The following SAMD5 variants were observed in gnomAD, a reference collection of about 807,000 sequenced individuals.
SAMD5 encodes sterile alpha motif domain containing 5, also known as sterile alpha motif domain-containing protein 5.
Under a neutral mutation model 11.3 loss-of-function variants are expected in SAMD5, and 13 were observed. The observed-to-expected ratio is 1.15, with a 90% CI of 0.75 to 1.83. The LOEUF is 1.83. Among genes scored for constraint, SAMD5 ranks in the 40% most tolerant of loss-of-function variants. SAMD5 has a pLI of 0.00. For synonymous variants in SAMD5, 129 were observed against 111.3 expected (o/e 1.16, Z -1.00); for missense variants, 255 against 239.1 (o/e 1.07, Z -0.44).
At chr6:147,717,454 G>A (rs941127677) in intron 1 of SAMD5, among the ~76,000 whole-genome samples, 8 of 152,072 alleles carry the variant, frequency 5.3e-5, no homozygotes, top group Admixed American at 2.6e-4. Context: ...AGGAATGGAC[G>A]GACTCTGCCC....
the SAMD5 span, among the ~76,000 whole-genome samples, chr6:147,881,021 G>C: frequency 1.3e-5 from 2 of 152,080 alleles, no homozygotes; most frequent in Non-Finnish European, 2.9e-5. Context: ...TGAGCAGTTT[G>C]ACACAGGTTT....
intron 1 of SAMD5, among the ~76,000 whole-genome samples, chr6:147,721,492 G>A (rs1449557572): frequency 1.3e-5 from 2 of 152,344 alleles, no homozygotes; most frequent in East Asian, 1.9e-4. Context: ...CTGCATAAAT[G>A]TGTTCTTTTG....
At chr6:147,874,242 A>T in the SAMD5 span, among the ~76,000 whole-genome samples, 1 of 152,192 alleles carries the variant, frequency 6.6e-6, no homozygotes, top group Non-Finnish European at 1.5e-5. Flanking sequence ...CTGACTCTTA[A>T]GGTCTTTACC....
intron 1 of SAMD5, among the ~76,000 whole-genome samples, chr6:147,715,261 C>T (rs923082845): frequency 2.0e-5 from 3 of 152,194 alleles, no homozygotes; most frequent in East Asian, 1.9e-4. Flanking sequence ...GTGAGCCAGG[C>T]GCAGAGCAGT....
chr6:147,703,367 C>G (rs771171627), intron 1 of SAMD5, among the ~76,000 whole-genome samples: 1 of 152,166 alleles, frequency 6.6e-6, no homozygotes, highest in Non-Finnish European at 1.5e-5. Flanking sequence ...CCACCATGCC[C>G]GGCTACTCAC....
chr6:147,667,796 T>C (rs1790743587), intron 1 of SAMD5, among the ~76,000 whole-genome samples: 1 of 152,064 alleles, frequency 6.6e-6, no homozygotes, highest in South Asian at 2.1e-4. Flanking sequence ...CACAAACAGT[T>C]TAAATATCAG....
At chr6:147,952,910 T>G in the SAMD5 span, among the ~76,000 whole-genome samples, 2 of 152,224 alleles carry the variant, frequency 1.3e-5, no homozygotes, top group African/African-American at 4.8e-5. Flanking sequence ...TAATTGAAAA[T>G]ATTACAACTT....
chr6:147,618,816 A>G (rs140354328), intron 1 of SAMD5, among the ~76,000 whole-genome samples: 120 of 152,366 alleles, frequency 7.9e-4, no homozygotes, highest in African/African-American at 2.5e-3. Context: ...AAGTCATCTG[A>G]ACAACACCTT....
chr6:147,855,760 A>C, the SAMD5 span, among the ~76,000 whole-genome samples: 1 of 152,282 alleles, frequency 6.6e-6, no homozygotes, highest in East Asian at 1.9e-4. Context: ...CTCACATTGG[A>C]ATAAAAAGCA....
At chr6:147,920,579 A>G in the SAMD5 span, among the ~76,000 whole-genome samples, 1 of 152,238 alleles carries the variant, frequency 6.6e-6, no homozygotes, top group African/African-American at 2.4e-5. Flanking sequence ...GTCTCTCTAC[A>G]GAACACTGAC....
chr6:147,528,555 G>T lies in SAMD5; in HGVS notation c.459+19168G>T, dbSNP rs796562573. Among the ~76,000 whole-genome samples, 7 of 152,212 alleles carry T rather than the reference G, an allele frequency of 4.6e-5. 1 individual carries two copies. The highest frequency in any genetic ancestry group is 1.7e-4 in the African/African-American group (7 of 41,532). Reference sequence around the variant, plus strand: ...TCTCCAAATACAGTCACATTCTGAGGGTCAGGACTTCAACATATTAACTTT... The same window carrying T: ...TCTCCAAATACAGTCACATTCTGAGTGTCAGGACTTCAACATATTAACTTT... On this transcript the variant is annotated intron_variant, in intron 1 of 1. Transcript: ENST00000367474.
chr6:147,948,141 A>G, the SAMD5 span, among the ~76,000 whole-genome samples: 2 of 152,116 alleles, frequency 1.3e-5, no homozygotes, highest in Admixed American at 6.5e-5. Context: ...ACTGGCACAG[A>G]CATTATTTTA....
rs1239694603 is a variant in SAMD5 at position 147,560,177 on chromosome 6, G to A, written c.460-4217G>A. Among the ~76,000 whole-genome samples, 2 of 152,134 alleles carry A rather than the reference G, an allele frequency of 1.3e-5. 1 individual carries two copies. Among genetic ancestry groups the A allele is most frequent in the African/African-American group, 4.8e-5 (2 of 41,424 alleles). ...GAGATATGAACAAATGTAAAATGTG[G>A]GGGTTTTGCCCTTGGAGAAATTTAC... On this transcript the variant is annotated intron_variant, in intron 1 of 1. Coordinates refer to ENST00000367474, the MANE Select transcript of SAMD5 (RefSeq NM_001030060.3).
At chr6:147,591,875 C>T (rs1232818676) in intron 1 of SAMD5, among the ~76,000 whole-genome samples, 1 of 152,080 alleles carries the variant, frequency 6.6e-6, no homozygotes, top group African/African-American at 2.4e-5. Flanking sequence ...AGTTCCTGTG[C>T]CACCTCTGAG....
intron 1 of SAMD5, among the ~76,000 whole-genome samples, chr6:147,622,825 C>T (rs1004809788): frequency 6.6e-6 from 1 of 152,124 alleles, no homozygotes; most frequent in African/African-American, 2.4e-5. Flanking sequence ...CTCACAGTTC[C>T]ACATGGATGG....
chr6:147,595,746 C>T (rs1028774766), intron 1 of SAMD5, among the ~76,000 whole-genome samples: 1 of 151,900 alleles, frequency 6.6e-6, no homozygotes, highest in Non-Finnish European at 1.5e-5. Flanking sequence ...AGGAGGGTCT[C>T]GATCTCCTGA....
the SAMD5 span, among the ~76,000 whole-genome samples, chr6:147,909,787 A>G: frequency 1.3e-5 from 2 of 152,050 alleles, no homozygotes; most frequent in Admixed American, 1.3e-4. Context: ...TTATGCCTAA[A>G]ATATTTACTA....
chr6:147,566,393 A>C lies in SAMD5; in HGVS notation c.*1937A>C, dbSNP rs536090712. ...TACAGATATAATTTATTGTGATAAC[A>C]AATGGCTTCCTGTTTGACCTCATTT... On this transcript the variant is annotated 3_prime_UTR_variant, in exon 2 of 2. Coordinates refer to ENST00000367474, the MANE Select transcript of SAMD5 (RefSeq NM_001030060.3). 7.9e-5 allele frequency: 78 copies of C among 985,418 alleles called. No individual in the cohort carries two copies. The African/African-American group carries it at 1.3e-3, about 17-fold the overall frequency. The allele number at this position is 985,418 out of a possible 1,614,324, so 61.0% of individuals were successfully genotyped here.
chr6:147,662,905 T>C (rs1291696682), intron 1 of SAMD5, among the ~76,000 whole-genome samples: 1 of 152,228 alleles, frequency 6.6e-6, no homozygotes, highest in African/African-American at 2.4e-5. Context: ...ACAAGAATAT[T>C]ATAATAGACA....
Sources: gnomAD v4.1 joint callset for allele counts (sites outside exome capture counted in the v4.1 genomes callset) on GRCh38, gnomAD v4.1.1 for gene constraint, MANE v1.5 for transcripts, NCBI Gene and HGNC (gene_info 2026-07-23, HGNC 2026-07-21) for gene names.